The following MAPKAPK2 variants were observed in gnomAD, a reference collection of about 807,000 sequenced individuals.
The protein encoded by MAPKAPK2 is MAPK activated protein kinase 2, also known as MAP kinase-activated protein kinase 2.
MAPKAPK2 carries 9 observed loss-of-function variants against 48.8 expected under a neutral mutation model. That is an observed-to-expected ratio of 0.18 (90% confidence interval 0.11 to 0.32). The LOEUF (loss-of-function observed/expected upper bound fraction) is 0.32, where lower values mean the gene tolerates loss of function less well. Among genes scored for constraint, MAPKAPK2 ranks in the 10% least tolerant of loss-of-function variants. The pLI, the probability that MAPKAPK2 is intolerant of heterozygous loss-of-function variation, is 1.00. For synonymous variants in MAPKAPK2, 202 were observed against 190.6 expected, an observed-to-expected ratio of 1.06 and a Z score of -0.49; for missense variants, 331 against 498.3, an observed-to-expected ratio of 0.66 and a Z score of 3.20.
intron 1 of MAPKAPK2, among the ~76,000 whole-genome samples, chr1:206,712,920 C>T (rs568387469): frequency 5.5e-5 from 8 of 145,964 alleles, no homozygotes; most frequent in African/African-American, 1.8e-4. Flanking sequence ...GAGCTGAGAT[C>T]GTGCCACTGC....
At chr1:206,720,144 G>A (rs890268474) in intron 1 of MAPKAPK2, among the ~76,000 whole-genome samples, 2 of 152,218 alleles carry the variant, frequency 1.3e-5, no homozygotes, top group South Asian at 2.1e-4. Flanking sequence ...AAGCCCCAGA[G>A]ATATGCTCCA....
chr1:206,712,962 TCACACACACACACACACACACA>T (rs58379967), intron 1 of MAPKAPK2, among the ~76,000 whole-genome samples: 2 of 112,230 alleles, frequency 1.8e-5, no homozygotes, highest in African/African-American at 3.6e-5. Context: ...TGAGACTCCA[TCACACACACACACACACACACA>T]CACACACACA....
At chr1:206,699,389 T>C (rs573262259) in intron 1 of MAPKAPK2, among the ~76,000 whole-genome samples, 3 of 152,268 alleles carry the variant, frequency 2.0e-5, no homozygotes, top group East Asian at 1.9e-4. Flanking sequence ...CATGGACATA[T>C]ACCTGTGACA....
Position 206,731,622 on chromosome 1 carries a change from C to CCCTGT in MAPKAPK2, c.893-15_893-11dup. ...GAGTGACCCCTGAGCTGTCACTGCC[C>CCCTGT]CCTGTCCCACCCCACAGTGAAGATG... On this transcript the variant is annotated splice_polypyrimidine_tract_variant and intron_variant, in intron 7 of 9. Transcript: ENST00000367103. The surrounding 1 kb of genome is among the most constrained non-coding windows in gnomAD (Gnocchi z 5.9). 2 of 1,601,980 alleles carry CCCTGT rather than the reference C, an allele frequency of 1.2e-6. No homozygotes were observed. Among genetic ancestry groups the CCCTGT allele is most frequent in the Middle Eastern group, 1.7e-4 (1 of 6,034 alleles).
chr1:206,716,088 G>T (rs1673320082), intron 1 of MAPKAPK2, among the ~76,000 whole-genome samples: 1 of 149,560 alleles, frequency 6.7e-6, no homozygotes, highest in African/African-American at 2.5e-5. Flanking sequence ...TATTGTTTTT[G>T]CTAGCTGAAG....
Position 206,731,961 on chromosome 1 carries a change from G to A in MAPKAPK2, c.1059+42G>A. 4 of 1,614,100 alleles carry A rather than the reference G, an allele frequency of 2.5e-6. No individual in the cohort carries two copies. The highest frequency in any genetic ancestry group is 3.4e-6 in the Non-Finnish European group (4 of 1,180,002). On this transcript the variant is annotated intron_variant, in intron 9 of 9. Coordinates refer to ENST00000367103, the MANE Select transcript of MAPKAPK2 (RefSeq NM_032960.4). This position sits in a 1 kb window ranked among gnomAD's most constrained non-coding sequence, Gnocchi z 5.9. ...GGTGAGAGGGGCTCCAGGTGGGGTG[G>A]GCGGCTTGCGGGGAGTGCCCAGGTG...
chr1:206,709,588 A>G (rs1673075528), intron 1 of MAPKAPK2, among the ~76,000 whole-genome samples: 1 of 152,234 alleles, frequency 6.6e-6, no homozygotes, highest in African/African-American at 2.4e-5. Flanking sequence ...TAAGATATCC[A>G]TTCAGCTTGA....
intron 1 of MAPKAPK2, among the ~76,000 whole-genome samples, chr1:206,686,304 C>T (rs1220717840): frequency 1.3e-5 from 2 of 152,242 alleles, no homozygotes; most frequent in African/African-American, 2.4e-5. Context: ...TGGACTCGCG[C>T]CGTGATGGGC....
intron 1 of MAPKAPK2, among the ~76,000 whole-genome samples, chr1:206,687,169 G>A (rs1433318936): frequency 1.3e-5 from 2 of 152,156 alleles, no homozygotes; most frequent in African/African-American, 2.4e-5. Flanking sequence ...GACACTGGCT[G>A]TTCATTCTCT....
intron 1 of MAPKAPK2, among the ~76,000 whole-genome samples, chr1:206,705,053 C>A (rs188365899): frequency 2.1e-3 from 314 of 152,240 alleles, no homozygotes; most frequent in African/African-American, 7.2e-3. Context: ...TCTATATGAC[C>A]CCTTTTTACT....
In MAPKAPK2 at chr1:206,732,233, G is replaced by A; in HGVS notation, c.1059+314G>A. 6.6e-7 allele frequency: 1 copy of A among 1,514,056 alleles called. No individual in the cohort carries two copies. The highest frequency in any genetic ancestry group is 8.9e-7 in the Non-Finnish European group (1 of 1,125,524). 93.8% of individuals were successfully genotyped at this position (1,514,056 alleles called of 1,614,324 possible). A position where few individuals can be genotyped will look rare whatever the true frequency, so the allele number is the denominator to read the frequency against. On this transcript the variant is annotated intron_variant, in intron 9 of 9. Coordinates refer to ENST00000367103, the MANE Select transcript of MAPKAPK2 (RefSeq NM_032960.4). The surrounding 1 kb of genome is among the most constrained non-coding windows in gnomAD (Gnocchi z 4.4). ...GAGAAACTGAGGCCCAGAGGCGGAG[G>A]GCAGTCTGCTCAAGGTCACGCAGCT...
At chr1:206,716,505 G>A (rs951298748) in intron 1 of MAPKAPK2, among the ~76,000 whole-genome samples, 5 of 151,946 alleles carry the variant, frequency 3.3e-5, no homozygotes, top group Non-Finnish European at 4.4e-5. Flanking sequence ...TGTGTGGGCC[G>A]CCCTCTTGAT....
chr1:206,732,517 C>T lies in MAPKAPK2; in HGVS notation c.1060-58C>T. The T allele has an allele frequency of 6.3e-7, 1 of 1,598,232 alleles. No individual in the cohort carries two copies. The stretch of plus-strand genomic sequence containing the variant: ...GTCTCTCACGTCTCTCTTCTGCTGT[C>T]TCTCCTACCTGTCTTCTGGCTCTCT... On this transcript the variant is annotated intron_variant, in intron 9 of 9. Transcript: ENST00000367103. The surrounding 1 kb of genome is among the most constrained non-coding windows in gnomAD (Gnocchi z 4.4).
At chr1:206,706,857 GC>G (rs1480430013) in intron 1 of MAPKAPK2, among the ~76,000 whole-genome samples, 1 of 151,964 alleles carries the variant, frequency 6.6e-6, no homozygotes, top group Non-Finnish European at 1.5e-5. Context: ...GGGCTAGAAG[GC>G]AGGGCAGTGT....
intron 1 of MAPKAPK2, 58 bp downstream of exon 1, chr1:206,685,566 G>C: frequency 2.2e-6 from 3 of 1,348,766 alleles, no homozygotes; most frequent in Non-Finnish European, 2.9e-6. Flanking sequence ...GGAGCTCCAC[G>C]GCGTCGGGTG....
chr1:206,727,520 A>C (rs1673739198), intron 1 of MAPKAPK2, among the ~76,000 whole-genome samples: 1 of 152,144 alleles, frequency 6.6e-6, no homozygotes, highest in Non-Finnish European at 1.5e-5. Context: ...TTATCCTCTT[A>C]GGCCCCCCTT....
intron 1 of MAPKAPK2, among the ~76,000 whole-genome samples, chr1:206,707,444 AAACC>A (rs1209915541): frequency 6.6e-6 from 1 of 152,120 alleles, no homozygotes; most frequent in Non-Finnish European, 1.5e-5. Context: ...GTTTCCTTGG[AAACC>A]AGAGCAGCAA....
rs527268461 is a variant in MAPKAPK2 at position 206,729,081 on chromosome 1, C to A, written c.466C>A (p.Gln156Lys). The change falls in exon 3 of 10, where the codon CAG becomes AAG. Residue 156 changes from glutamine to lysine, a missense_variant. Gln to Lys is a moderately conservative substitution (Grantham distance 53, BLOSUM62 1). This residue lies in a region of MAPKAPK2 where 111 missense variants were observed against 193.6 expected (regional missense o/e 0.57). Coordinates refer to ENST00000367103, the MANE Select transcript of MAPKAPK2 (RefSeq NM_032960.4). Reference sequence around the variant, plus strand: ...TAGCCGAATCCAGGATCGAGGAGACCAGGCATTCACAGAAAGAGGTAGAAA... The same window carrying A: ...TAGCCGAATCCAGGATCGAGGAGACAAGGCATTCACAGAAAGAGGTAGAAA... ...LFSRIQDRGDQAFTEREASEI... is the reference protein window; with the variant it reads ...LFSRIQDRGDKAFTEREASEI... 3.6e-5 allele frequency: 58 copies of A among 1,614,166 alleles called. 1 individual carries two copies. In the South Asian group the frequency reaches 6.1e-4, roughly 17 times the overall value.
At chr1:206,728,115 T>G (rs1553432058) in intron 1 of MAPKAPK2, among the ~76,000 whole-genome samples, 1 of 152,168 alleles carries the variant, frequency 6.6e-6, no homozygotes, top group African/African-American at 2.4e-5. Context: ...TCAGTGAGGT[T>G]CGACGAGTTA....
Sources: allele counts gnomAD v4.1 joint callset (sites outside exome capture counted in the v4.1 genomes callset), GRCh38; gene constraint gnomAD v4.1.1; regional missense constraint gnomAD v4.1.1; non-coding constraint Gnocchi (gnomAD v3.1); transcripts MANE v1.5; gene names NCBI Gene and HGNC (gene_info 2026-07-23, HGNC 2026-07-21).